Variants in SLC9A7 observed in about 807,000 individuals in gnomAD.
SLC9A7 encodes the protein sodium/hydrogen exchanger 7.
Under a neutral mutation model 52.6 loss-of-function variants are expected in SLC9A7, and 19 were observed. That is an observed-to-expected ratio of 0.36 (90% CI 0.25 to 0.53). The LOEUF is 0.53. Among genes scored for constraint, SLC9A7 ranks in the 20% least tolerant of loss-of-function variants. SLC9A7 has a pLI of 0.91. For missense variants in SLC9A7, 455 were observed against 597.9 expected, an observed-to-expected ratio of 0.76 and a Z score of 2.49; for synonymous variants, 226 against 252.1, an observed-to-expected ratio of 0.90 and a Z score of 0.98.
chrX:46,651,300 C>A lies in SLC9A7; in HGVS notation c.1236+16G>T. ...GTGTTAACAAGCAACTCGTGAGTAC[C>A]AAGCCTCTCTCTCACCTGCTTGGTT... On this transcript the variant is annotated intron_variant, in intron 9 of 16. Coordinates refer to ENST00000616978, the MANE Select transcript of SLC9A7 (RefSeq NM_001257291.2). The A allele has an allele frequency of 8.3e-7, 1 of 1,202,135 alleles. No homozygotes were observed. Among genetic ancestry groups the A allele is most frequent in the South Asian group, 1.8e-5 (1 of 56,628 alleles).
chrX:46,671,285 G>C (rs1944014515), intron 4 of SLC9A7, among the ~76,000 whole-genome samples: 1 of 110,653 alleles, frequency 9.0e-6, no homozygotes, highest in Admixed American at 9.6e-5. Flanking sequence ...TTTTGAGACA[G>C]AGTCTCACTC....
intron 3 of SLC9A7, among the ~76,000 whole-genome samples, chrX:46,676,230 G>A (rs1944117208): frequency 9.0e-6 from 1 of 111,071 alleles, no homozygotes; most frequent in African/African-American, 3.3e-5. Context: ...CAGTATTGCG[G>A]GACTGAGCCT....
chrX:46,663,732 G>A (rs1317612342), intron 5 of SLC9A7, among the ~76,000 whole-genome samples: 5 of 110,517 alleles, frequency 4.5e-5, no homozygotes, highest in South Asian at 3.8e-4. Context: ...AGGCTGAGGC[G>A]GGTAGATCCC....
intron 7 of SLC9A7, among the ~76,000 whole-genome samples, chrX:46,655,361 G>A (rs545965081): frequency 1.8e-5 from 2 of 112,041 alleles, no homozygotes; most frequent in African/African-American, 6.5e-5. Context: ...CATGATTGGG[G>A]GAAGAGCCAA....
chrX:46,641,974 G>T (rs1387895782), intron 12 of SLC9A7, among the ~76,000 whole-genome samples: 1 of 112,475 alleles, frequency 8.9e-6, no homozygotes, highest in Non-Finnish European at 1.9e-5. Context: ...GACTAACACT[G>T]ATAAACCCCA....
chrX:46,716,058 TTATAA>T (rs1312377323), intron 1 of SLC9A7, among the ~76,000 whole-genome samples: 1 of 111,553 alleles, frequency 9.0e-6, no homozygotes, highest in African/African-American at 3.3e-5. Flanking sequence ...AGCCCCTGAC[TTATAA>T]TAGTAATCTT....
intron 1 of SLC9A7, among the ~76,000 whole-genome samples, chrX:46,716,905 C>A (rs1041701832): frequency 8.9e-6 from 1 of 112,003 alleles, no homozygotes; most frequent in African/African-American, 3.3e-5. Flanking sequence ...AGAACTCTGA[C>A]CAAAACGATA....
chrX:46,658,575 T>A (rs1434108092), intron 7 of SLC9A7, among the ~76,000 whole-genome samples: 5 of 110,237 alleles, frequency 4.5e-5, no homozygotes, highest in African/African-American at 6.6e-5. Context: ...CAAACTACCA[T>A]CAGAGAATAC....
intron 5 of SLC9A7, among the ~76,000 whole-genome samples, chrX:46,667,340 A>T (rs1270858476): frequency 1.8e-5 from 2 of 109,927 alleles, no homozygotes; most frequent in Non-Finnish European, 3.8e-5. Context: ...ATACTAATTT[A>T]CTCAGGGTGT....
intron 1 of SLC9A7, among the ~76,000 whole-genome samples, chrX:46,699,008 C>T (rs987764220): frequency 9.0e-6 from 1 of 111,593 alleles, no homozygotes. Flanking sequence ...TATCTCATCC[C>T]CTTAGAACAA....
chrX:46,688,597 CAAAA>C (rs763251903), intron 1 of SLC9A7, among the ~76,000 whole-genome samples: 5 of 35,587 alleles, frequency 1.4e-4, no homozygotes, highest in Admixed American at 3.5e-4. Flanking sequence ...AACTCCGCCT[CAAAA>C]AAAAAAAAAA....
rs183330733 is a variant in SLC9A7 at position 46,650,495 on chromosome X, T to A, written c.1350+615A>T. Among the ~76,000 whole-genome samples the A allele has an allele frequency of 7.6e-3, 846 of 111,094 alleles. 6 individuals carry two copies. Among genetic ancestry groups the A allele is most frequent in the African/African-American group, 0.026 (807 of 30,517 alleles). ...ATTTTTCTTTTTCCTTCTCCTTTTTTTTTTGGTGGGGGCGGGGAGAAAGAG... is the reference window on the plus strand; with the variant it reads ...ATTTTTCTTTTTCCTTCTCCTTTTTATTTTGGTGGGGGCGGGGAGAAAGAG... On this transcript the variant is annotated intron_variant, in intron 10 of 16. Transcript: ENST00000616978.
chrX:46,646,687 C>T, intron 11 of SLC9A7: 1 of 281,875 alleles, frequency 3.5e-6, no homozygotes, highest in Non-Finnish European at 7.0e-6. Flanking sequence ...TGATGTGCTT[C>T]AAGTTCTTGT....
chrX:46,613,084 G>A (rs1171629131), intron 16 of SLC9A7, among the ~76,000 whole-genome samples: 1 of 110,647 alleles, frequency 9.0e-6, no homozygotes, highest in Non-Finnish European at 1.9e-5. Flanking sequence ...CGGCCGATGT[G>A]GGGGAATCCC....
In SLC9A7 at chrX:46,758,875, C is replaced by A. The variant is rs1922893696; in HGVS notation, c.155G>T (p.Ser52Ile). 1 of 1,191,738 alleles carries A rather than the reference C, an allele frequency of 8.4e-7. No homozygotes were observed. Among genetic ancestry groups the A allele is most frequent in the Non-Finnish European group, 1.1e-6 (1 of 886,804 alleles). ...CTCAGTAGCGAGCTCCTCCATGGCG[C>A]TGCTGTCCTCCGCCGCCGCCCCAGA... ...SSSGAAAEDS[S>I]AMEELATEKE... The change falls in exon 1 of 17, where the codon AGC becomes ATC. Residue 52 changes from serine to isoleucine, a missense_variant. Physicochemically the swap from Ser to Ile is moderately radical, Grantham distance 142. Transcript: ENST00000616978.
chrX:46,755,089 G>T (rs1255161956), intron 1 of SLC9A7, among the ~76,000 whole-genome samples: 2 of 112,360 alleles, frequency 1.8e-5, no homozygotes, highest in African/African-American at 6.5e-5. Flanking sequence ...ACCTTCCCTT[G>T]TAGCTGCCCT....
chrX:46,672,758 A>T, intron 3 of SLC9A7, 131 bp from the exon 4 acceptor site: 2 of 470,078 alleles, frequency 4.3e-6, no homozygotes, highest in Non-Finnish European at 7.3e-6. Context: ...TAACAACTGA[A>T]GTTACTCCTA....
At chrX:46,637,028 A>C (rs1488630742) in intron 12 of SLC9A7, among the ~76,000 whole-genome samples, 2 of 112,508 alleles carry the variant, frequency 1.8e-5, no homozygotes, top group African/African-American at 6.5e-5. Flanking sequence ...CTCTTGAGAA[A>C]TAGTATTAAT....
intron 1 of SLC9A7, among the ~76,000 whole-genome samples, chrX:46,719,066 C>T (rs1944817693): frequency 9.0e-6 from 1 of 111,146 alleles, no homozygotes; most frequent in Non-Finnish European, 1.9e-5. Context: ...CAATGATAGA[C>T]TGGATTAAGA....
Sources: allele counts gnomAD v4.1 joint callset (sites outside exome capture counted in the v4.1 genomes callset), GRCh38; gene constraint gnomAD v4.1.1; transcripts MANE v1.5; gene names NCBI Gene and HGNC (gene_info 2026-07-23, HGNC 2026-07-21).